CATSPERE: variants seen among roughly 807,000 people sequenced by gnomAD.
CATSPERE encodes catsper channel auxiliary subunit epsilon, also known as cation channel sperm-associated auxiliary subunit epsilon.
A neutral mutation model predicts 114.1 loss-of-function variants in CATSPERE; 93 were observed. The observed-to-expected ratio is 0.81, with a 90% CI of 0.69 to 0.97. The LOEUF (loss-of-function observed/expected upper bound fraction) is 0.97. CATSPERE is among the 50% of genes least tolerant of loss of function. The pLI is 0.00. For missense variants in CATSPERE, 1,058 were observed against 1,131.6 expected (o/e 0.93, Z 0.93); for synonymous variants, 341 against 384.1 (o/e 0.89, Z 1.31).
chr1:244,589,882 C>A (rs772572860), intron 14 of CATSPERE, among the ~76,000 whole-genome samples: 7 of 152,142 alleles, frequency 4.6e-5, no homozygotes, highest in Non-Finnish European at 7.4e-5. Flanking sequence ...TTACTCTGGG[C>A]CTCTTAGTCA....
chr1:244,480,106 G>A (rs1384027328), intron 5 of CATSPERE, among the ~76,000 whole-genome samples: 7 of 152,142 alleles, frequency 4.6e-5, no homozygotes, highest in African/African-American at 7.2e-5. Flanking sequence ...TTTGGAAAAA[G>A]TACAAAGCTA....
chr1:244,569,501 G>A (rs1342250729), intron 10 of CATSPERE, among the ~76,000 whole-genome samples: 1 of 152,122 alleles, frequency 6.6e-6, no homozygotes. Flanking sequence ...TTTCTCTAGT[G>A]TGTAACTTCC....
chr1:244,535,796 A>G (rs1324795890), intron 8 of CATSPERE, among the ~76,000 whole-genome samples: 2 of 152,112 alleles, frequency 1.3e-5, no homozygotes, highest in African/African-American at 4.8e-5. Context: ...GCTGCAAGAC[A>G]AAGTCCCTTT....
intron 7 of CATSPERE, among the ~76,000 whole-genome samples, chr1:244,500,221 T>G (rs1417280330): frequency 2.0e-5 from 3 of 152,226 alleles, no homozygotes; most frequent in African/African-American, 7.2e-5. Context: ...TTTGTTTAAG[T>G]CCCTTGTAGA....
At position 244,552,814 on chromosome 1, in the gene CATSPERE, G is replaced by T; in HGVS notation, c.1029G>T (p.Lys343Asn). The T allele has an allele frequency of 1.1e-5, 15 of 1,417,280 alleles. No individual in the cohort carries two copies. The highest frequency in any genetic ancestry group is 1.4e-5 in the Non-Finnish European group (15 of 1,066,910). 87.8% of individuals were successfully genotyped at this position (1,417,280 alleles called of 1,614,324 possible). A position where few individuals can be genotyped will look rare whatever the true frequency, so the allele number is the denominator to read the frequency against. Residue 343 changes from lysine (K) to asparagine (N), a missense_variant and splice_region_variant, in exon 9 of 22, where the codon AAG becomes AAT. Physicochemically the swap from Lys to Asn is moderately conservative, Grantham distance 94 (BLOSUM62 0). Around this residue, in one of 2 missense-constraint regions of CATSPERE, gnomAD observed 787 missense variants for 905.6 expected, o/e 0.87. Transcript: ENST00000366534. ...RKWCWVNYLL[K>N]AKGRRSTFAV... Reference sequence around the variant, plus strand: ...GGTGTTGGGTCAATTATTTATTAAAGGTTAGTAAAAGATATTTTATATTTT... The same window carrying T: ...GGTGTTGGGTCAATTATTTATTAAATGTTAGTAAAAGATATTTTATATTTT...
At chr1:244,551,526 TATAAACAC>T (rs1381480278) in intron 8 of CATSPERE, among the ~76,000 whole-genome samples, 1 of 152,138 alleles carries the variant, frequency 6.6e-6, no homozygotes, top group Non-Finnish European at 1.5e-5. Context: ...ATCTAAACAA[TATAAACAC>T]TCTATTCATT....
chr1:244,489,025 C>G (rs961693246), intron 5 of CATSPERE, among the ~76,000 whole-genome samples: 8 of 152,152 alleles, frequency 5.3e-5, no homozygotes, highest in African/African-American at 1.9e-4. Context: ...GAGGCACTGA[C>G]TTTTAGAGAT....
At chr1:244,549,852 G>T (rs1660330473) in intron 8 of CATSPERE, among the ~76,000 whole-genome samples, 1 of 152,174 alleles carries the variant, frequency 6.6e-6, no homozygotes, top group African/African-American at 2.4e-5. Flanking sequence ...ATTTCTGGAA[G>T]AGATTAGCAT....
chr1:244,592,993 CTG>C (rs34664135), intron 15 of CATSPERE, among the ~76,000 whole-genome samples: 94,264 of 151,918 alleles, frequency 0.62, 31,279 homozygotes, highest in Middle Eastern at 0.81. Flanking sequence ...TAGGAAACAT[CTG>C]AAGTTTTAAA....
intron 10 of CATSPERE, among the ~76,000 whole-genome samples, chr1:244,563,832 A>G (rs1043765247): frequency 9.2e-5 from 14 of 152,170 alleles, no homozygotes; most frequent in African/African-American, 3.4e-4. Context: ...ATCTTTGCCC[A>G]TGCCTATGTC....
chr1:244,542,932 A>G (rs1021244847), intron 8 of CATSPERE, among the ~76,000 whole-genome samples: 8 of 152,264 alleles, frequency 5.3e-5, no homozygotes, highest in African/African-American at 1.9e-4. Context: ...CATACCTATT[A>G]GAGTGACTTT....
intron 14 of CATSPERE, among the ~76,000 whole-genome samples, chr1:244,591,442 G>A (rs987668877): frequency 1.1e-4 from 17 of 152,276 alleles, no homozygotes; most frequent in Non-Finnish European, 1.5e-4. Flanking sequence ...TAATAAGCAT[G>A]TATCAAATAT....
At chr1:244,539,627 A>G (rs992097806) in intron 8 of CATSPERE, among the ~76,000 whole-genome samples, 3 of 149,732 alleles carry the variant, frequency 2.0e-5, no homozygotes, top group African/African-American at 4.9e-5. Context: ...TTGGTAAGCT[A>G]TTGATTATTG....
intron 2 of CATSPERE, among the ~76,000 whole-genome samples, chr1:244,464,901 T>A (rs1438989102): frequency 2.0e-5 from 3 of 152,084 alleles, no homozygotes; most frequent in African/African-American, 7.2e-5. Flanking sequence ...TAATCAAATG[T>A]TGGTTTCAAA....
chr1:244,583,935 A>G lies in CATSPERE; in HGVS notation c.2081A>G (p.Gln694Arg). 3.1e-6 allele frequency: 5 copies of G among 1,613,964 alleles called. No homozygotes were observed. Among genetic ancestry groups the G allele is most frequent in the Non-Finnish European group, 4.2e-6 (5 of 1,179,850 alleles). ...TATTCAAAAGCATGTCCAATAGCCC[A>G]AAAGGTAAGCGACATGGGCTGAAGA... ...SEYSKACPIA[Q>R]KVFQIAVGCD... Residue 694 changes from glutamine to arginine, a missense_variant, in exon 13 of 22, where the codon CAA becomes CGA. Around this residue, in one of 2 missense-constraint regions of CATSPERE, gnomAD observed 787 missense variants for 905.6 expected, o/e 0.87. Coordinates refer to ENST00000366534, the MANE Select transcript of CATSPERE (RefSeq NM_001130957.2).
At chr1:244,562,703 TTTTTC>T (rs1306148246) in intron 10 of CATSPERE, among the ~76,000 whole-genome samples, 2 of 152,200 alleles carry the variant, frequency 1.3e-5, no homozygotes, top group African/African-American at 4.8e-5. Context: ...GAATTTCCTT[TTTTTC>T]TTGTCATTTC....
intron 8 of CATSPERE, among the ~76,000 whole-genome samples, chr1:244,528,785 C>CCACGCACGCACACACACACACACA (rs1553342506): frequency 6.1e-5 from 8 of 130,536 alleles, no homozygotes; most frequent in African/African-American, 2.4e-4. Flanking sequence ...CAATCCCCCA[C>CCACGCACGCACACACACACACACA]CACACACACA....
Position 244,572,414 on chromosome 1 carries a change from A to G in CATSPERE, c.1592A>G (p.His531Arg). 1 of 1,596,284 alleles carries G rather than the reference A, an allele frequency of 6.3e-7. No individual in the cohort carries two copies. The highest frequency in any genetic ancestry group is 8.6e-7 in the Non-Finnish European group (1 of 1,163,774). ...KINTRDAVKL[H>R]LWTNYTTRAF... ...AATACTAGAGATGCAGTAAAGCTGC[A>G]TTTATGGACAAATTACACAACAAGA... The change falls in exon 11 of 22, where the codon CAT (histidine) becomes CGT (arginine). Residue 531 changes from histidine to arginine, a missense_variant. Around this residue, in one of 2 missense-constraint regions of CATSPERE, gnomAD observed 787 missense variants for 905.6 expected, o/e 0.87. Coordinates refer to ENST00000366534, the MANE Select transcript of CATSPERE (RefSeq NM_001130957.2).
intron 17 of CATSPERE, among the ~76,000 whole-genome samples, chr1:244,604,676 A>G (rs1405580628): frequency 2.0e-5 from 3 of 152,232 alleles, no homozygotes; most frequent in Non-Finnish European, 4.4e-5. Flanking sequence ...CATGGGGGAC[A>G]ATTTCATTCA....
Sources: gnomAD v4.1 joint callset for allele counts (sites outside exome capture counted in the v4.1 genomes callset) on GRCh38, gnomAD v4.1.1 for gene constraint, gnomAD v4.1.1 regional missense constraint, MANE v1.5 for transcripts, NCBI Gene and HGNC (gene_info 2026-07-23, HGNC 2026-07-21) for gene names.